Variants in RARS2 observed in about 807,000 individuals in gnomAD.
The protein encoded by RARS2 is probable arginine--tRNA ligase, mitochondrial.
A neutral mutation model predicts 88.5 loss-of-function variants in RARS2; 67 were observed. That is an observed-to-expected ratio of 0.76 (90% CI 0.62 to 0.93). RARS2 has a LOEUF of 0.93. Among genes scored for constraint, RARS2 ranks in the 40% least tolerant of loss-of-function variants. The probability of loss-of-function intolerance (pLI) is 0.00; values close to 1 mark genes in which losing one functional copy is unlikely to be tolerated. For missense variants in RARS2, 664 were observed against 684.2 expected, an observed-to-expected ratio of 0.97 and a Z score of 0.33; for synonymous variants, 239 against 230.3, an observed-to-expected ratio of 1.04 and a Z score of -0.34.
In RARS2 at chr6:87,569,504, T is replaced by C. The variant is rs772258331; in HGVS notation, c.110+13A>G. 1.3e-6 allele frequency: 2 copies of C among 1,562,622 alleles called. No individual in the cohort carries two copies. The highest frequency in any genetic ancestry group is 1.8e-6 in the Non-Finnish European group (2 of 1,133,456). On this transcript the variant is annotated intron_variant, in intron 2 of 19. Coordinates refer to ENST00000369536, the MANE Select transcript of RARS2 (RefSeq NM_020320.5). ...AACATTTTATAGATTGTTACAAGTGTATTATACTTAACTCTTTTTGGGAAA... is the reference window on the plus strand; with the variant it reads ...AACATTTTATAGATTGTTACAAGTGCATTATACTTAACTCTTTTTGGGAAA...
chr6:87,522,333 TAAAAAAAAAAA>T (rs34710568), intron 11 of RARS2, among the ~76,000 whole-genome samples: 1 of 88,724 alleles, frequency 1.1e-5, no homozygotes, highest in East Asian at 3.5e-4. Context: ...CCGTCTCAAT[TAAAAAAAAAAA>T]AAAAAAAAAA....
chr6:87,524,556 C>T lies in RARS2; in HGVS notation c.974+1G>A, dbSNP rs1347648325. ...TGTTGACCCTCACAGAGGCTACAAA[C>T]CTGGTTGCATAGAGAGAAGTCCCAT... On this transcript the variant is annotated splice_donor_variant, in intron 11 of 19. Transcript: ENST00000369536. LOFTEE classifies it high-confidence loss of function. The T allele has an allele frequency of 1.2e-6, 2 of 1,602,856 alleles. No individual in the cohort carries two copies. The highest frequency in any genetic ancestry group is 1.7e-6 in the Non-Finnish European group (2 of 1,169,938).
intron 17 of RARS2, 123 bp downstream of exon 17, chr6:87,518,046 C>A: frequency 1.9e-6 from 3 of 1,584,182 alleles, no homozygotes; most frequent in South Asian, 2.2e-5. Flanking sequence ...TAAGGCATAC[C>A]TTTGGGAAAA....
At chr6:87,540,966 T>C (rs1452120530) in intron 8 of RARS2, among the ~76,000 whole-genome samples, 1 of 152,212 alleles carries the variant, frequency 6.6e-6, no homozygotes, top group African/African-American at 2.4e-5. Context: ...ATACTCATTT[T>C]TCAAGTCTAA....
At chr6:87,519,529 T>A (rs1263522202) in intron 14 of RARS2, 54 bp downstream of exon 14, 1 of 1,553,614 alleles carries the variant, frequency 6.4e-7, no homozygotes, top group Non-Finnish European at 8.9e-7. Flanking sequence ...AAGTCCAGAA[T>A]AACATAAAAG....
chr6:87,545,012 C>T (rs1224617361), intron 7 of RARS2, among the ~76,000 whole-genome samples: 1 of 152,188 alleles, frequency 6.6e-6, no homozygotes, highest in Non-Finnish European at 1.5e-5. Context: ...AGACTTACTT[C>T]TTCCCTGTAT....
chr6:87,515,377 G>A (rs543471804), intron 18 of RARS2, among the ~76,000 whole-genome samples: 80 of 152,026 alleles, frequency 5.3e-4, no homozygotes, highest in African/African-American at 1.3e-3. Flanking sequence ...AAAATTAGCC[G>A]GGCGTGGTGG....
chr6:87,519,032 C>A (rs1027330571), intron 14 of RARS2, 141 bp from the exon 15 acceptor site: 3 of 814,814 alleles, frequency 3.7e-6, no homozygotes, highest in Non-Finnish European at 6.2e-6. Flanking sequence ...CTAATTTAGG[C>A]TATTTTACCT....
intron 1 of RARS2, among the ~76,000 whole-genome samples, chr6:87,575,042 G>A (rs1770962927): frequency 6.7e-6 from 1 of 149,856 alleles, no homozygotes; most frequent in South Asian, 2.1e-4. Context: ...AAGGAAGGTA[G>A]ACTGCTTCCC....
At chr6:87,552,951 G>C (rs1236011849) in intron 5 of RARS2, among the ~76,000 whole-genome samples, 1 of 152,130 alleles carries the variant, frequency 6.6e-6, no homozygotes, top group Non-Finnish European at 1.5e-5. Flanking sequence ...CCTCCCCAGT[G>C]AAGAAAGCAG....
intron 4 of RARS2, among the ~76,000 whole-genome samples, chr6:87,560,802 C>T (rs1324984848): frequency 6.6e-6 from 1 of 152,160 alleles, no homozygotes; most frequent in African/African-American, 2.4e-5. Context: ...GCAGGAGAAT[C>T]GCTTGAACCC....
At chr6:87,519,513 T>C in intron 14 of RARS2, 70 bp downstream of exon 14, 1 of 1,508,688 alleles carries the variant, frequency 6.6e-7, no homozygotes. Flanking sequence ...TAAATCACAC[T>C]GCCCAAAGTC....
chr6:87,514,560 G>A (rs1210761723), intron 19 of RARS2, 61 bp from the exon 20 acceptor site: 2 of 1,373,528 alleles, frequency 1.5e-6, no homozygotes, highest in East Asian at 2.3e-5. Flanking sequence ...TTCAATACAT[G>A]AGAATGGTTT....
At chr6:87,566,791 A>G (rs866214819) in intron 2 of RARS2, among the ~76,000 whole-genome samples, 2 of 143,734 alleles carry the variant, frequency 1.4e-5, no homozygotes, top group South Asian at 4.4e-4. Context: ...GGCTGCAGTA[A>G]GCCGTGATTC....
intron 8 of RARS2, among the ~76,000 whole-genome samples, chr6:87,539,175 C>T (rs905437791): frequency 1.3e-5 from 2 of 152,118 alleles, no homozygotes; most frequent in Non-Finnish European, 2.9e-5. Flanking sequence ...AAGAATAACT[C>T]TCACATGTCA....
At chr6:87,546,116 A>G (rs900403311) in intron 6 of RARS2, among the ~76,000 whole-genome samples, 19 of 152,012 alleles carry the variant, frequency 1.2e-4, no homozygotes, top group African/African-American at 4.4e-4. Flanking sequence ...AGCTCATTCT[A>G]TCTCCTTTTA....
intron 4 of RARS2, among the ~76,000 whole-genome samples, chr6:87,557,329 T>C (rs552854525): frequency 1.1e-4 from 17 of 152,342 alleles, no homozygotes; most frequent in African/African-American, 4.1e-4. Context: ...GTGTCTGTCG[T>C]AAACTAGGGT....
chr6:87,588,932 A>G (rs28381454), intron 1 of RARS2, among the ~76,000 whole-genome samples: 10,734 of 152,248 alleles, frequency 0.071, 407 homozygotes, highest in East Asian at 0.095. Flanking sequence ...CCAGTGAGCA[A>G]TAAATTCAGC....
At chr6:87,579,855 T>C (rs929029739) in intron 1 of RARS2, among the ~76,000 whole-genome samples, 1 of 149,838 alleles carries the variant, frequency 6.7e-6, no homozygotes, top group African/African-American at 2.5e-5. Flanking sequence ...GCCTCCCGAG[T>C]ACCTGGGACT....
Sources: allele counts gnomAD v4.1 joint callset (sites outside exome capture counted in the v4.1 genomes callset), GRCh38; gene constraint gnomAD v4.1.1; transcripts MANE v1.5; gene names NCBI Gene and HGNC (gene_info 2026-07-23, HGNC 2026-07-21).